The following CADPS variants were observed in gnomAD, a reference collection of about 807,000 sequenced individuals.
CADPS encodes the protein calcium dependent secretion activator, also known as calcium-dependent secretion activator 1.
In CADPS, 57 loss-of-function variants were observed where a neutral mutation model predicts 167.3. That is an observed-to-expected ratio of 0.34 (90% CI 0.28 to 0.42). The LOEUF (loss-of-function observed/expected upper bound fraction) is 0.42. CADPS is among the 20% of genes least tolerant of loss of function. The pLI is 1.00. For missense variants in CADPS, 1,414 were observed against 1,738.1 expected (o/e 0.81, Z 3.32); for synonymous variants, 676 against 635.3 (o/e 1.06, Z -0.96).
chr3:62,662,467 T>C (rs1354781), intron 3 of CADPS, 73 bp from the exon 4 acceptor site: 246,363 of 1,291,868 alleles, frequency 0.19, 24,945 homozygotes, highest in African/African-American at 0.3. Flanking sequence ...CATTCCATTT[T>C]ATACCCCCTT....
At chr3:62,865,035 C>T (rs1268945082) in intron 1 of CADPS, among the ~76,000 whole-genome samples, 2 of 152,066 alleles carry the variant, frequency 1.3e-5, no homozygotes, top group Non-Finnish European at 2.9e-5. Context: ...TATGGAAGAA[C>T]CCCCAAGAAA....
chr3:62,472,523 A>T (rs2060748632), intron 24 of CADPS, among the ~76,000 whole-genome samples: 1 of 152,170 alleles, frequency 6.6e-6, no homozygotes, highest in African/African-American at 2.4e-5. Flanking sequence ...ATTCCAGAGC[A>T]GCTTAGGTGG....
chr3:62,671,597 C>T (rs1013931780), intron 3 of CADPS, among the ~76,000 whole-genome samples: 8 of 152,104 alleles, frequency 5.3e-5, no homozygotes, highest in African/African-American at 1.4e-4. Context: ...CCTCAACCAC[C>T]GATTTCATAT....
At chr3:62,564,473 C>T (rs186720269) in intron 9 of CADPS, among the ~76,000 whole-genome samples, 107 of 152,228 alleles carry the variant, frequency 7.0e-4, no homozygotes, top group African/African-American at 2.3e-3. Context: ...TCTAAGAAAC[C>T]ATATAAATAT....
chr3:62,715,283 A>G (rs939952429), intron 3 of CADPS, among the ~76,000 whole-genome samples: 1 of 151,992 alleles, frequency 6.6e-6, no homozygotes, highest in Non-Finnish European at 1.5e-5. Context: ...CCAGGACTAG[A>G]GGTGCCCACC....
chr3:62,449,454 T>C (rs781101068), intron 26 of CADPS, among the ~76,000 whole-genome samples: 1 of 152,208 alleles, frequency 6.6e-6, no homozygotes, highest in Non-Finnish European at 1.5e-5. Flanking sequence ...TCTTTTCCTG[T>C]ACAATGTCAG....
intron 26 of CADPS, 98 bp from the exon 27 acceptor site, chr3:62,445,895 G>T: frequency 1.3e-6 from 1 of 788,264 alleles, no homozygotes; most frequent in Non-Finnish European, 1.9e-6. Context: ...ACAACATGCT[G>T]GCACATGGAG....
chr3:62,873,242 A>C (rs1194161969), intron 1 of CADPS, among the ~76,000 whole-genome samples: 1 of 152,218 alleles, frequency 6.6e-6, no homozygotes, highest in East Asian at 1.9e-4. Context: ...TAAGCAAAAC[A>C]AACAGAGAAA....
chr3:62,443,082 G>A (rs900032257), intron 27 of CADPS, among the ~76,000 whole-genome samples: 3 of 152,054 alleles, frequency 2.0e-5, no homozygotes, highest in African/African-American at 2.4e-5. Flanking sequence ...TTTCTAATAT[G>A]CACTAAAATA....
chr3:62,523,547 A>G (rs917775509), intron 13 of CADPS, among the ~76,000 whole-genome samples: 1 of 152,182 alleles, frequency 6.6e-6, no homozygotes, highest in Non-Finnish European at 1.5e-5. Context: ...GGCCACAAAA[A>G]CCTTCTTTTG....
chr3:62,759,655 C>T (rs761840741), intron 2 of CADPS, among the ~76,000 whole-genome samples: 4 of 151,792 alleles, frequency 2.6e-5, no homozygotes, highest in Non-Finnish European at 5.9e-5. Flanking sequence ...CCTTAATATG[C>T]AAGCCAAATA....
intron 12 of CADPS, among the ~76,000 whole-genome samples, chr3:62,535,860 T>C (rs976810899): frequency 3.9e-5 from 6 of 151,920 alleles, no homozygotes; most frequent in Non-Finnish European, 8.8e-5. Context: ...TCCTGCTGGA[T>C]AGATAGCTGA....
In CADPS at chr3:62,525,550, A is replaced by C. The variant is rs141110476; in HGVS notation, c.2292-7300T>G. ...AATGTGGAGGTGTTTTTTATACCGC[A>C]TCAGTGCCTGCCTGCTATATAAAGT... On this transcript the variant is annotated intron_variant, in intron 13 of 29. Coordinates refer to ENST00000383710, the MANE Select transcript of CADPS (RefSeq NM_003716.4). 3.3e-5 allele frequency among the ~76,000 whole-genome samples: 5 copies of C among 152,304 alleles called. No homozygotes were observed. The East Asian group carries it at 9.7e-4, about 29-fold the overall frequency.
At chr3:62,869,864 T>C (rs902737440) in intron 1 of CADPS, among the ~76,000 whole-genome samples, 9 of 152,186 alleles carry the variant, frequency 5.9e-5, no homozygotes, top group Non-Finnish European at 8.8e-5. Context: ...TCACAGATGC[T>C]GGTTATATTT....
intron 1 of CADPS, among the ~76,000 whole-genome samples, chr3:62,820,539 T>C (rs1443268880): frequency 6.6e-6 from 1 of 152,190 alleles, no homozygotes; most frequent in Non-Finnish European, 1.5e-5. Flanking sequence ...TTAACCTCTC[T>C]TACTGAAATA....
chr3:62,470,607 A>G (rs2060474531), intron 24 of CADPS: 1 of 152,222 alleles, frequency 6.6e-6, no homozygotes. Context: ...CAATTAAGTC[A>G]AGCTAGCTTT....
At chr3:62,767,572 G>A (rs936405494) in intron 1 of CADPS, among the ~76,000 whole-genome samples, 1 of 152,088 alleles carries the variant, frequency 6.6e-6, no homozygotes, top group African/African-American at 2.4e-5. Flanking sequence ...CATGAGTTTT[G>A]ACTCAGTCAA....
At chr3:62,643,220 T>G (rs1232452564) in intron 6 of CADPS, among the ~76,000 whole-genome samples, 2 of 152,226 alleles carry the variant, frequency 1.3e-5, no homozygotes, top group Non-Finnish European at 2.9e-5. Context: ...AGGGCACTTG[T>G]ACTCCTTCCT....
chr3:62,679,714 C>T (rs932794635), intron 3 of CADPS, among the ~76,000 whole-genome samples: 3 of 151,978 alleles, frequency 2.0e-5, no homozygotes, highest in African/African-American at 7.3e-5. Flanking sequence ...CTGCATTGAC[C>T]CTGGAAAAGC....
Sources: gnomAD v4.1 joint callset for allele counts (sites outside exome capture counted in the v4.1 genomes callset) on GRCh38, gnomAD v4.1.1 for gene constraint, MANE v1.5 for transcripts, NCBI Gene and HGNC (gene_info 2026-07-23, HGNC 2026-07-21) for gene names.